The following ZBTB20 variants were observed in gnomAD, a reference collection of about 807,000 sequenced individuals.
The protein encoded by ZBTB20 is zinc finger and BTB domain containing 20.
Under a neutral mutation model 56.9 loss-of-function variants are expected in ZBTB20, and 9 were observed. That is an observed-to-expected ratio of 0.16 (90% CI 0.10 to 0.28). The LOEUF (loss-of-function observed/expected upper bound fraction) is 0.28, where lower values mean the gene tolerates loss of function less well. ZBTB20 is among the 10% of genes least tolerant of loss of function. ZBTB20 has a pLI of 1.00. For synonymous variants in ZBTB20, 417 were observed against 420.7 expected (o/e 0.99, Z 0.11); for missense variants, 655 against 1,003.0 (o/e 0.65, Z 4.69).
intron 3 of ZBTB20, among the ~76,000 whole-genome samples, chr3:114,957,517 G>A (rs898457766): frequency 7.9e-5 from 12 of 152,092 alleles, no homozygotes; most frequent in Non-Finnish European, 1.8e-4. Context: ...AACCACTGCC[G>A]TAAAGAACAT....
chr3:115,098,226 C>T (rs1042938635), intron 1 of ZBTB20, among the ~76,000 whole-genome samples: 4 of 152,026 alleles, frequency 2.6e-5, no homozygotes, highest in East Asian at 1.9e-4. Context: ...GCACAGATAT[C>T]GCCACTGTAT....
chr3:114,603,898 A>C (rs774395607), intron 6 of ZBTB20, among the ~76,000 whole-genome samples: 1 of 152,010 alleles, frequency 6.6e-6, no homozygotes, highest in Non-Finnish European at 1.5e-5. Flanking sequence ...ACCAAGCACT[A>C]TTTTATAGTT....
chr3:115,125,549 T>C (rs1214979230), intron 1 of ZBTB20, among the ~76,000 whole-genome samples: 2 of 152,066 alleles, frequency 1.3e-5, no homozygotes, highest in Non-Finnish European at 2.9e-5. Context: ...GCAGAGAGAA[T>C]GGTGACTACC....
intron 5 of ZBTB20, among the ~76,000 whole-genome samples, chr3:114,777,607 G>A (rs1238562070): frequency 6.6e-6 from 1 of 152,198 alleles, no homozygotes; most frequent in Non-Finnish European, 1.5e-5. Flanking sequence ...AGATGCTGGA[G>A]AGGATGTGGA....
At chr3:115,133,763 T>C (rs1002405296) in intron 1 of ZBTB20, among the ~76,000 whole-genome samples, 7 of 152,372 alleles carry the variant, frequency 4.6e-5, no homozygotes, top group Admixed American at 1.3e-4. Context: ...GAATAATTTT[T>C]ATTCCTTCAT....
chr3:114,678,704 A>G (rs147246400), intron 6 of ZBTB20, among the ~76,000 whole-genome samples: 5,636 of 152,280 alleles, frequency 0.037, 217 homozygotes, highest in Admixed American at 0.13. Context: ...ATTACTTACA[A>G]TGTAATGCCA....
At chr3:115,005,397 A>T (rs2079423137) in intron 2 of ZBTB20, among the ~76,000 whole-genome samples, 1 of 151,752 alleles carries the variant, frequency 6.6e-6, no homozygotes, top group Non-Finnish European at 1.5e-5. Flanking sequence ...TTTATCTAGG[A>T]AATTATACAC....
chr3:115,089,468 T>G (rs1176698878), intron 1 of ZBTB20, among the ~76,000 whole-genome samples: 1 of 151,832 alleles, frequency 6.6e-6, no homozygotes, highest in Non-Finnish European at 1.5e-5. Flanking sequence ...AAAACCATTT[T>G]GCAATAGAAA....
rs11293835 is a variant in ZBTB20, at chr3:114,864,488, A to ATT, written c.-417+35814_-417+35815dup. Among the ~76,000 whole-genome samples the ATT allele has an allele frequency of 2.3e-4, 34 of 149,548 alleles. No individual in the cohort carries two copies. The South Asian group carries it at 3.2e-3, about 14-fold the overall frequency. The stretch of plus-strand genomic sequence containing the variant: ...TTTTTATTTTCATATAATTACAAGG[A>ATT]TTTTTTTTTTTGGCAATTGACATGA... On this transcript the variant is annotated intron_variant, in intron 4 of 11. Coordinates refer to ENST00000675478, the MANE Select transcript of ZBTB20 (RefSeq NM_001348800.3).
chr3:115,065,199 T>G (rs1012995540), intron 2 of ZBTB20, among the ~76,000 whole-genome samples: 1 of 152,208 alleles, frequency 6.6e-6, no homozygotes, highest in African/African-American at 2.4e-5. Context: ...TTTCAGTTAT[T>G]ATAAAAGTGC....
At chr3:114,510,720 T>C (rs1223333038) in intron 6 of ZBTB20, among the ~76,000 whole-genome samples, 3 of 152,114 alleles carry the variant, frequency 2.0e-5, no homozygotes, top group African/African-American at 7.2e-5. Flanking sequence ...ATCTCTTTCA[T>C]GTCATTCATT....
intron 4 of ZBTB20, among the ~76,000 whole-genome samples, chr3:114,884,439 A>G (rs906665639): frequency 5.3e-5 from 8 of 152,190 alleles, no homozygotes; most frequent in African/African-American, 1.9e-4. Flanking sequence ...TTCACATAGT[A>G]TCAGCCTGGG....
intron 4 of ZBTB20, among the ~76,000 whole-genome samples, chr3:114,867,563 G>A (rs1399718639): frequency 1.3e-5 from 2 of 152,048 alleles, no homozygotes; most frequent in African/African-American, 4.8e-5. Context: ...AGCCTCCTGA[G>A]TAGCCAGGGT....
intron 5 of ZBTB20, among the ~76,000 whole-genome samples, chr3:114,738,709 C>T (rs2066364501): frequency 6.6e-6 from 1 of 152,134 alleles, no homozygotes; most frequent in Admixed American, 6.6e-5. Flanking sequence ...ACTCCCTATT[C>T]CGATAAATCC....
intron 3 of ZBTB20, among the ~76,000 whole-genome samples, chr3:114,972,380 C>T (rs146655538): frequency 0.01 from 1,585 of 152,176 alleles, 16 homozygotes; most frequent in Non-Finnish European, 0.016. Context: ...GACTACAATC[C>T]TGCATGTACC....
chr3:115,116,362 C>T (rs559667568), intron 1 of ZBTB20, among the ~76,000 whole-genome samples: 10 of 152,136 alleles, frequency 6.6e-5, no homozygotes, highest in Non-Finnish European at 1.3e-4. Flanking sequence ...CAAACCCTAA[C>T]GCATCATCTT....
At chr3:114,629,633 G>A (rs899868588) in intron 6 of ZBTB20, among the ~76,000 whole-genome samples, 8 of 152,034 alleles carry the variant, frequency 5.3e-5, no homozygotes, top group African/African-American at 1.7e-4. Flanking sequence ...AAGGCACATT[G>A]TACCAATACT....
At chr3:114,375,740 C>T (rs2083543560) in intron 10 of ZBTB20, 1 of 152,134 alleles carries the variant, frequency 6.6e-6, no homozygotes, top group African/African-American at 2.4e-5. Context: ...TCGAAATATC[C>T]CTTACCCTAT....
intron 7 of ZBTB20, among the ~76,000 whole-genome samples, chr3:114,397,162 G>A (rs565348261): frequency 1.3e-5 from 2 of 152,212 alleles, no homozygotes; most frequent in East Asian, 1.9e-4. Flanking sequence ...CTGTGAATCT[G>A]TATCACCATT....
Sources: allele counts gnomAD v4.1 joint callset (sites outside exome capture counted in the v4.1 genomes callset), GRCh38; gene constraint gnomAD v4.1.1; transcripts MANE v1.5; gene names NCBI Gene and HGNC (gene_info 2026-07-23, HGNC 2026-07-21).